Variants in DNAAF4 observed in about 807,000 individuals in gnomAD.
The protein encoded by DNAAF4 is dynein axonemal assembly factor 4.
A neutral mutation model predicts 51.8 loss-of-function variants in DNAAF4; 43 were observed. The ratio of observed to expected loss-of-function variants is 0.83; its 90% CI spans 0.65 to 1.07. The LOEUF (loss-of-function observed/expected upper bound fraction) is 1.07. Among genes scored for constraint, DNAAF4 ranks in the 50% least tolerant of loss-of-function variants. DNAAF4 has a pLI of 0.00. For missense variants in DNAAF4, 581 were observed against 493.0 expected (o/e 1.18, Z -1.69); for synonymous variants, 194 against 165.6 (o/e 1.17, Z -1.32).
rs931740024 is a variant in DNAAF4, at chr15:55,491,097, G to A, written c.405+26C>T. 3 of 1,613,540 alleles carry A rather than the reference G, an allele frequency of 1.9e-6. No individual in the cohort carries two copies. The African/African-American group carries it at 4.0e-5, about 22-fold the overall frequency. ...ATAGTCTACTATTATCTCTTTAGAG[G>A]ACTTGCCTGTCATTCTGCAACTTAC... On this transcript the variant is annotated intron_variant, in intron 4 of 9. Transcript: ENST00000321149.
chr15:55,439,762 G>C (rs537225264), intron 6 of DNAAF4, among the ~76,000 whole-genome samples, 181 bp from the exon 7 acceptor site: 10 of 152,058 alleles, frequency 6.6e-5, no homozygotes, highest in East Asian at 3.9e-4. Context: ...AATGTGAATC[G>C]GTATTTGGTA....
chr15:55,489,961 C>G (rs1021465088), intron 4 of DNAAF4, among the ~76,000 whole-genome samples: 1 of 151,352 alleles, frequency 6.6e-6, no homozygotes, highest in Non-Finnish European at 1.5e-5. Context: ...GCAACCTCCA[C>G]CTCCTGGGTT....
intron 3 of DNAAF4, among the ~76,000 whole-genome samples, chr15:55,496,513 T>TA (rs896026696): frequency 3.3e-5 from 5 of 151,888 alleles, no homozygotes; most frequent in Non-Finnish European, 4.4e-5. Context: ...GCCTCCCCTG[T>TA]AAAAAAAGGG....
chr15:55,485,917 C>G (rs531178604), intron 4 of DNAAF4, among the ~76,000 whole-genome samples: 18 of 149,688 alleles, frequency 1.2e-4, no homozygotes, highest in African/African-American at 4.5e-4. Flanking sequence ...ATGGCATGAA[C>G]CCAGGAGGCA....
chr15:55,473,439 G>A lies in DNAAF4; in HGVS notation c.406-6278C>T, dbSNP rs997106922. On this transcript the variant is annotated intron_variant, in intron 4 of 9. Coordinates refer to ENST00000321149, the MANE Select transcript of DNAAF4 (RefSeq NM_130810.4). ...TATAATACACCTTAATCAAATAGGG[G>A]TAACTTAACCTAGGAAAATATTAAA... Among the ~76,000 whole-genome samples, 36 of 149,018 alleles carry A rather than the reference G, an allele frequency of 2.4e-4. 1 individual carries two copies. The highest frequency in any genetic ancestry group is 2.2e-3 in the Admixed American group (32 of 14,830).
rs546851350 is a variant in DNAAF4, at chr15:55,478,077, C to T, written c.406-10916G>A. The stretch of plus-strand genomic sequence containing the variant: ...AAGGGGCCCAGGGCCTTCCTCACTG[C>T]CCCTGTCCAGGAACATCATCATTAC... On this transcript the variant is annotated intron_variant, in intron 4 of 9. Transcript: ENST00000321149. Among the ~76,000 whole-genome samples the T allele has an allele frequency of 2.6e-5, 4 of 152,240 alleles. No individual in the cohort carries two copies. The South Asian group carries it at 6.2e-4, about 24-fold the overall frequency.
chr15:55,466,259 C>G (rs1595923754), intron 5 of DNAAF4, among the ~76,000 whole-genome samples: 1 of 151,876 alleles, frequency 6.6e-6, no homozygotes, highest in Non-Finnish European at 1.5e-5. Flanking sequence ...CTCGTCTCTA[C>G]AAAAAATACA....
chr15:55,473,440 T>C (rs1195206296), intron 4 of DNAAF4, among the ~76,000 whole-genome samples: 1 of 149,296 alleles, frequency 6.7e-6, no homozygotes, highest in Non-Finnish European at 1.5e-5. Flanking sequence ...CAAATAGGGG[T>C]AACTTAACCT....
intron 4 of DNAAF4, among the ~76,000 whole-genome samples, chr15:55,477,500 T>A (rs2058351313): frequency 6.6e-6 from 1 of 151,998 alleles, no homozygotes; most frequent in Non-Finnish European, 1.5e-5. Flanking sequence ...GAAAATGGAG[T>A]TATATTAGAA....
chr15:55,452,918 CG>C (rs962412452), intron 5 of DNAAF4, among the ~76,000 whole-genome samples: 12 of 152,110 alleles, frequency 7.9e-5, no homozygotes, highest in African/African-American at 2.7e-4. Context: ...TAGGACCTCC[CG>C]GGTTCAAGCG....
chr15:55,493,884 AAT>A (rs1407129709), intron 3 of DNAAF4, among the ~76,000 whole-genome samples: 4 of 151,336 alleles, frequency 2.6e-5, no homozygotes, highest in Non-Finnish European at 5.9e-5. Context: ...TTTTTTTTTT[AAT>A]AGAGGTGAAG....
chr15:55,504,647 A>G (rs2058717042), intron 1 of DNAAF4, among the ~76,000 whole-genome samples: 1 of 152,186 alleles, frequency 6.6e-6, no homozygotes, highest in Non-Finnish European at 1.5e-5. Context: ...TCTTTCACAA[A>G]CCTGATAAAA....
chr15:55,448,744 C>G (rs1002284941), intron 6 of DNAAF4, among the ~76,000 whole-genome samples: 7 of 151,138 alleles, frequency 4.6e-5, no homozygotes, highest in Admixed American at 4.0e-4. Flanking sequence ...GCGGTGGGCA[C>G]CTGTAGTCCC....
chr15:55,464,681 T>C (rs1400632533), intron 5 of DNAAF4, among the ~76,000 whole-genome samples: 1 of 152,052 alleles, frequency 6.6e-6, no homozygotes. Flanking sequence ...GATATACAAA[T>C]GTCCCGCCAG....
chr15:55,426,007 C>G (rs1167526595), downstream of DNAAF4, among the ~76,000 whole-genome samples: 1 of 152,130 alleles, frequency 6.6e-6, no homozygotes, highest in Non-Finnish European at 1.5e-5. Context: ...ATCAGACTGC[C>G]CAAGCATTTG....
chr15:55,496,117 C>A (rs1289529244), intron 3 of DNAAF4, among the ~76,000 whole-genome samples: 1 of 152,156 alleles, frequency 6.6e-6, no homozygotes, highest in African/African-American at 2.4e-5. Flanking sequence ...GTAGTCCCAG[C>A]TACTTGGGAG....
chr15:55,419,960 G>A (rs1047840381), intron 7 of DNAAF4, among the ~76,000 whole-genome samples: 5 of 152,022 alleles, frequency 3.3e-5, no homozygotes, highest in South Asian at 2.1e-4. Flanking sequence ...CCAAGATCAC[G>A]CCATTGCACT....
At chr15:55,468,086 A>T (rs1365477673) in intron 4 of DNAAF4, among the ~76,000 whole-genome samples, 3 of 152,222 alleles carry the variant, frequency 2.0e-5, no homozygotes, top group African/African-American at 7.2e-5. Context: ...GTGGCTACTG[A>T]GACTCAGGAA....
intron 4 of DNAAF4, among the ~76,000 whole-genome samples, chr15:55,484,599 C>T (rs2058460998): frequency 6.6e-6 from 1 of 151,910 alleles, no homozygotes; most frequent in Non-Finnish European, 1.5e-5. Context: ...TTTTTATACT[C>T]GTGTATATTA....
Sources: gnomAD v4.1 joint callset for allele counts (sites outside exome capture counted in the v4.1 genomes callset) on GRCh38, gnomAD v4.1.1 for gene constraint, MANE v1.5 for transcripts, NCBI Gene and HGNC (gene_info 2026-07-23, HGNC 2026-07-21) for gene names.